Variants in SLC22A24 observed in about 807,000 individuals in gnomAD.
SLC22A24 encodes steroid transmembrane transporter SLC22A24.
Under a neutral mutation model 49.8 loss-of-function variants are expected in SLC22A24, and 53 were observed. That is an observed-to-expected ratio of 1.06 (90% confidence interval 0.85 to 1.34). SLC22A24 has a LOEUF of 1.34. SLC22A24 is among the 40% of genes most tolerant of loss of function. The pLI is 0.00. For synonymous variants in SLC22A24, 302 were observed against 256.4 expected (o/e 1.18, Z -1.70); for missense variants, 786 against 675.9 (o/e 1.16, Z -1.81).
In SLC22A24 at chr11:63,081,542, T is replaced by C; in HGVS notation, c.1394+16A>G. 1 of 1,517,970 alleles carries C rather than the reference T, an allele frequency of 6.6e-7. No homozygotes were observed. The highest frequency in any genetic ancestry group is 1.2e-5 in the South Asian group (1 of 83,442). 94.0% of individuals were successfully genotyped at this position (1,517,970 alleles called of 1,614,324 possible). A position where few individuals can be genotyped will look rare whatever the true frequency, so the allele number is the denominator to read the frequency against. On this transcript the variant is annotated intron_variant, in intron 8 of 9. Transcript: ENST00000612278. Reference sequence around the variant, plus strand: ...AAATTTGTGTTTTGAAACCAGATGGTCTTTAGCTCTTGTACCTCAATATGG... The same window carrying C: ...AAATTTGTGTTTTGAAACCAGATGGCCTTTAGCTCTTGTACCTCAATATGG...
chr11:63,101,567 T>C (rs1031343494), intron 5 of SLC22A24, among the ~76,000 whole-genome samples: 2 of 152,082 alleles, frequency 1.3e-5, no homozygotes, highest in Non-Finnish European at 2.9e-5. Flanking sequence ...GAGTTCCATA[T>C]GATCCAGCAA....
chr11:63,100,338 C>T lies in SLC22A24; in HGVS notation c.954+3837G>A, dbSNP rs142556937. 3.3e-5 allele frequency among the ~76,000 whole-genome samples: 5 copies of T among 151,618 alleles called. No individual in the cohort carries two copies. In the East Asian group the frequency reaches 9.7e-4, roughly 29 times the overall value. ...ATTTGTAATAGGTACAAATAAAATA[C>T]CTAGGAATAAATTTTTAATCAAAGA... On this transcript the variant is annotated intron_variant, in intron 5 of 9. Transcript: ENST00000612278.
chr11:63,134,955 C>A (rs1204582398), intron 1 of SLC22A24, among the ~76,000 whole-genome samples, 187 bp from the exon 2 acceptor site: 2 of 152,122 alleles, frequency 1.3e-5, no homozygotes, highest in East Asian at 3.8e-4. Flanking sequence ...AAACTTATTT[C>A]AACTTTTCAA....
chr11:63,103,471 A>G (rs2087102928), intron 5 of SLC22A24, among the ~76,000 whole-genome samples: 1 of 152,074 alleles, frequency 6.6e-6, no homozygotes, highest in Non-Finnish European at 1.5e-5. Context: ...ACTCTGACTT[A>G]TTTTCTTATC....
intron 5 of SLC22A24, among the ~76,000 whole-genome samples, chr11:63,100,401 A>G (rs2087083332): frequency 6.6e-6 from 1 of 152,174 alleles, no homozygotes; most frequent in Non-Finnish European, 1.5e-5. Context: ...TAAAGCACTG[A>G]TGCAAGAAAT....
In SLC22A24 at chr11:63,110,041, G is replaced by T. The variant is rs182852786; in HGVS notation, c.831-5743C>A. ...ATTTTTGTATAAGGTGTAAGGTAGG[G>T]ATCCAGTTTCAGCTTTCTACATATG... On this transcript the variant is annotated intron_variant, in intron 4 of 9. Coordinates refer to ENST00000612278, the MANE Select transcript of SLC22A24 (RefSeq NM_001136506.2). Among the ~76,000 whole-genome samples the T allele has an allele frequency of 6.2e-3, 949 of 152,170 alleles. 8 individuals are homozygous for T. Among genetic ancestry groups the T allele is most frequent in the Non-Finnish European group, 8.1e-3 (552 of 67,982 alleles).
intron 7 of SLC22A24, among the ~76,000 whole-genome samples, chr11:63,082,898 C>G (rs920912147): frequency 9.9e-5 from 15 of 152,234 alleles, no homozygotes; most frequent in African/African-American, 3.4e-4. Context: ...CAAGGCCTAG[C>G]CCCTCCACAA....
At chr11:63,102,657 C>G (rs1205063384) in intron 5 of SLC22A24, among the ~76,000 whole-genome samples, 2 of 152,136 alleles carry the variant, frequency 1.3e-5, no homozygotes, top group African/African-American at 2.4e-5. Context: ...TGGTGAAAAG[C>G]TGAATAAGAG....
chr11:63,133,791 C>G (rs796929489), intron 2 of SLC22A24, among the ~76,000 whole-genome samples: 47 of 152,100 alleles, frequency 3.1e-4, no homozygotes, highest in African/African-American at 1.1e-3. Flanking sequence ...TATATAGGTG[C>G]CAGCCACCAT....
intron 4 of SLC22A24, among the ~76,000 whole-genome samples, chr11:63,113,615 G>C (rs1442483051): frequency 6.6e-6 from 1 of 152,030 alleles, no homozygotes; most frequent in South Asian, 2.1e-4. Flanking sequence ...CAGCACTTTG[G>C]GAGGCCGAGG....
chr11:63,118,931 C>G lies in SLC22A24; in HGVS notation c.811G>C (p.Val271Leu). The G allele has an allele frequency of 1.3e-6, 2 of 1,552,050 alleles. No homozygotes were observed. Among genetic ancestry groups the G allele is most frequent in the Non-Finnish European group, 1.7e-6 (2 of 1,147,044 alleles). Residue 271 changes from valine (V) to leucine (L), a missense_variant, in exon 4 of 10, where the codon GTC becomes CTC. Coordinates refer to ENST00000612278, the MANE Select transcript of SLC22A24 (RefSeq NM_001136506.2). ...LQLTVSTPII[V>L]LFLSSWKMVE... The stretch of plus-strand genomic sequence containing the variant: ...TCATACCAAGAGGACAAGAAGAGGA[C>G]AATTATGGGTGTAGACACAGTCAGT...
chr11:63,132,181 T>A (rs2087341127), intron 2 of SLC22A24, among the ~76,000 whole-genome samples: 1 of 152,238 alleles, frequency 6.6e-6, no homozygotes, highest in Admixed American at 6.5e-5. Flanking sequence ...GCCATTCGTC[T>A]AACCTTTTTT....
chr11:63,097,625 G>T (rs1469468057), intron 5 of SLC22A24, among the ~76,000 whole-genome samples: 1 of 152,012 alleles, frequency 6.6e-6, no homozygotes, highest in Non-Finnish European at 1.5e-5. Flanking sequence ...TATGTTTATT[G>T]CAGCACTGTT....
At chr11:63,099,349 C>T (rs2087075933) in intron 5 of SLC22A24, among the ~76,000 whole-genome samples, 1 of 140,296 alleles carries the variant, frequency 7.1e-6, no homozygotes, top group Non-Finnish European at 1.5e-5. Flanking sequence ...GTCTGTACCA[C>T]CACACCTGGC....
rs968475306 is a variant in SLC22A24, at chr11:63,083,175, A to G, written c.1285+68T>C. On this transcript the variant is annotated intron_variant, in intron 7 of 9. Transcript: ENST00000612278. ...TGCTGTTCTTTTGGCACCAGGCATA[A>G]AAGACCAATGTAATCCCTGGAGAAT... 6.8e-6 allele frequency: 9 copies of G among 1,324,788 alleles called. No individual in the cohort carries two copies. In the East Asian group the frequency reaches 2.0e-4, roughly 30 times the overall value. The allele number at this position is 1,324,788 out of a possible 1,614,324, so 82.1% of individuals were successfully genotyped here.
chr11:63,102,225 T>C (rs1459357761), intron 5 of SLC22A24, among the ~76,000 whole-genome samples: 2 of 152,152 alleles, frequency 1.3e-5, no homozygotes, highest in African/African-American at 4.8e-5. Flanking sequence ...TTATAACTAC[T>C]ATGTACCCAT....
At chr11:63,108,856 A>G (rs1291912359) in intron 4 of SLC22A24, among the ~76,000 whole-genome samples, 1 of 110,772 alleles carries the variant, frequency 9.0e-6, no homozygotes, top group African/African-American at 3.4e-5. Context: ...TTTTTTTATT[A>G]TTATTATACT....
At chr11:63,098,534 G>A (rs2087069462) in intron 5 of SLC22A24, among the ~76,000 whole-genome samples, 2 of 152,036 alleles carry the variant, frequency 1.3e-5, no homozygotes, top group South Asian at 4.1e-4. Context: ...CAGGCATGGT[G>A]GCACATGCCA....
intron 4 of SLC22A24, among the ~76,000 whole-genome samples, chr11:63,107,500 T>C (rs887380594): frequency 2.6e-5 from 4 of 152,210 alleles, no homozygotes; most frequent in African/African-American, 9.6e-5. Flanking sequence ...GGGATGGCAT[T>C]GAATCTATGA....
Sources: allele counts gnomAD v4.1 joint callset (sites outside exome capture counted in the v4.1 genomes callset), GRCh38; gene constraint gnomAD v4.1.1; transcripts MANE v1.5; gene names NCBI Gene and HGNC (gene_info 2026-07-23, HGNC 2026-07-21).